MAP1S: variants seen among roughly 807,000 people sequenced by gnomAD.
MAP1S encodes the protein microtubule associated protein 1S.
In MAP1S, 27 loss-of-function variants were observed where a neutral mutation model predicts 60.9. The ratio of observed to expected loss-of-function variants is 0.44; its 90% confidence interval spans 0.33 to 0.61. The LOEUF is 0.61. Ranked by LOEUF, MAP1S falls within the 20% of genes least tolerant of loss-of-function variation. MAP1S has a pLI of 0.03. For synonymous variants in MAP1S, 826 were observed against 694.2 expected (o/e 1.19, Z -2.98); for missense variants, 1,608 against 1,486.6 (o/e 1.08, Z -1.34).
In MAP1S at chr19:17,727,707, G is replaced by A; in HGVS notation, c.2323G>A (p.Gly775Ser). Reference protein sequence around the residue: ...DSSARSQERAGGLGAEETPPT... With the variant: ...DSSARSQERASGLGAEETPPT... Reference sequence around the variant, plus strand: ...CAGTGCCCGGTCACAGGAACGGGCAGGTGGGCTGGGGGCCGAGGAGACGCC... The same window carrying A: ...CAGTGCCCGGTCACAGGAACGGGCAAGTGGGCTGGGGGCCGAGGAGACGCC... The change falls in exon 5 of 7, where the codon GGT becomes AGT. Residue 775 changes from glycine (G) to serine (S), a missense_variant. By Grantham distance (56) the Gly-to-Ser change is moderately conservative. Around this residue, in one of 4 missense-constraint regions of MAP1S, gnomAD observed 1,167 missense variants for 961.4 expected, o/e 1.21. Coordinates refer to ENST00000324096, the MANE Select transcript of MAP1S (RefSeq NM_018174.6). This position sits in a 1 kb window ranked among gnomAD's most constrained non-coding sequence, Gnocchi z 4.1. 1.2e-6 allele frequency: 2 copies of A among 1,608,218 alleles called. No individual in the cohort carries two copies. The highest frequency in any genetic ancestry group is 2.2e-5 in the South Asian group (2 of 90,774).
Position 17,727,260 on chromosome 19 carries a change from C to T in MAP1S, c.1876C>T (p.Leu626=), listed in dbSNP as rs1599461672. Residue 626 remains leucine, a synonymous_variant, in exon 5 of 7, where the codon CTG becomes TTG. Coordinates refer to ENST00000324096, the MANE Select transcript of MAP1S (RefSeq NM_018174.6). This position sits in a 1 kb window ranked among gnomAD's most constrained non-coding sequence, Gnocchi z 4.1. ...AGCCGGGGAGGAGAAGGCACTGGAG[C>T]TGCCTTTGGCCGCCAGCTCAATCCC... ...IPAGEEKALE[L]PLAASSIPRP... The T allele has an allele frequency of 6.3e-7, 1 of 1,574,924 alleles. No individual in the cohort carries two copies. The highest frequency in any genetic ancestry group is 8.6e-7 in the Non-Finnish European group (1 of 1,165,880).
Position 17,720,007 on chromosome 19 carries a change from C to G in MAP1S, c.118+387C>G, listed in dbSNP as rs368945541. On this transcript the variant is annotated intron_variant, in intron 1 of 6. Transcript: ENST00000324096. ...GCTTTGGATCTCCAGGTCTTAGCAG[C>G]TTAGATAGAGATCTCCCGGAGGGAG... 15 of 586,712 alleles carry G rather than the reference C, an allele frequency of 2.6e-5. No homozygotes were observed. In the East Asian group the frequency reaches 1.5e-3, roughly 59 times the overall value. The allele number at this position is 586,712 out of a possible 1,614,324, so 36.3% of individuals were successfully genotyped here.
At position 17,727,802 on chromosome 19, in the gene MAP1S, G is replaced by C; in HGVS notation, c.2418G>C (p.Ala806=). The change falls in exon 5 of 7, where the codon GCG becomes GCC. Residue 806 remains alanine (A), a synonymous_variant. Coordinates refer to ENST00000324096, the MANE Select transcript of MAP1S (RefSeq NM_018174.6). The surrounding 1 kb of genome is among the most constrained non-coding windows in gnomAD (Gnocchi z 4.1). ...ATCCCGTGCCCCTGGCCCCCGGTGC[G>C]GCAGACTCAGACGAAGACACAGAGG... ...DSDPVPLAPG[A]ADSDEDTEGF... 2 of 1,612,460 alleles carry C rather than the reference G, an allele frequency of 1.2e-6. No individual in the cohort carries two copies. Among genetic ancestry groups the C allele is most frequent in the Non-Finnish European group, 1.7e-6 (2 of 1,179,488 alleles).
intron 5 of MAP1S, among the ~76,000 whole-genome samples, chr19:17,730,895 C>CTTTTTTTTTTTTTTTTTTTTTTTT (rs779442592): frequency 7.4e-6 from 1 of 134,758 alleles, no homozygotes. Flanking sequence ...TTTTCTTTTT[C>CTTTTTTTTTTTTTTTTTTTTTTTT]TTTTTTTTTT....
chr19:17,720,410 G>GT (rs2080360060), intron 1 of MAP1S: 5 of 1,535,212 alleles, frequency 3.3e-6, no homozygotes, highest in South Asian at 1.2e-5. Context: ...ATGATAGACA[G>GT]GTTCAGCCCT....
At chr19:17,720,320 G>A in intron 1 of MAP1S, 1 of 1,482,804 alleles carries the variant, frequency 6.7e-7, no homozygotes, top group Non-Finnish European at 8.9e-7. Context: ...ACGCACCTCG[G>A]TTCATGTGCT....
rs770051785 is a variant in MAP1S at position 17,727,850 on chromosome 19, C to G, written c.2466C>G (p.Asp822Glu). ...AGGGCTTTGGAGTCCCTCGCCACGA[C>G]CCTTTGCCTGACCCCCTCAAGGTCC... is the stretch of plus-strand genomic sequence containing the variant. ...DTEGFGVPRH[D>E]PLPDPLKVPP... The change falls in exon 5 of 7, where the codon GAC (aspartate) becomes GAG (glutamate). Residue 822 changes from aspartate (D) to glutamate (E), a missense_variant. Asp to Glu is a conservative substitution (Grantham distance 45, BLOSUM62 2). This residue lies in a region of MAP1S where 1,167 missense variants were observed against 961.4 expected (regional missense o/e 1.21). Transcript: ENST00000324096. This position sits in a 1 kb window ranked among gnomAD's most constrained non-coding sequence, Gnocchi z 4.1. 6.2e-7 allele frequency: 1 copy of G among 1,613,446 alleles called. No homozygotes were observed. The highest frequency in any genetic ancestry group is 1.7e-5 in the Admixed American group (1 of 59,994).
intron 5 of MAP1S, among the ~76,000 whole-genome samples, chr19:17,731,934 TGG>T (rs775254355): frequency 1.3e-5 from 2 of 152,276 alleles, no homozygotes; most frequent in Non-Finnish European, 2.9e-5. Context: ...CCCAAAGTGC[TGG>T]GATTACAGGC....
Position 17,726,481 on chromosome 19 carries a change from G to A in MAP1S, c.1097G>A (p.Gly366Asp), listed in dbSNP as rs1037764898. Residue 366 changes from glycine to aspartate, a missense_variant, in exon 5 of 7, where the codon GGC becomes GAC. Transcript: ENST00000324096. ...ELALSLLAQL[G>D]ITPLPLSRGP... ...GCGCTGAGCCTCCTGGCGCAGCTGG[G>A]CATCACGCCTCTGCCACTCAGCCGC... 1.9e-6 allele frequency: 3 copies of A among 1,549,352 alleles called. No homozygotes were observed. The highest frequency in any genetic ancestry group is 1.7e-6 in the Non-Finnish European group (2 of 1,152,464).
chr19:17,720,158 G>GTCA, intron 1 of MAP1S: 1 of 1,335,056 alleles, frequency 7.5e-7, no homozygotes. Context: ...AGGGAGGTGA[G>GTCA]TCATAGGCGC....
intron 5 of MAP1S, among the ~76,000 whole-genome samples, chr19:17,729,947 C>T (rs1045931604): frequency 1.5e-4 from 23 of 152,118 alleles, no homozygotes; most frequent in Non-Finnish European, 5.9e-5. Context: ...AGACGTGAGC[C>T]ACTGTGCCCA....
chr19:17,727,415 G>T lies in MAP1S; in HGVS notation c.2031G>T (p.Val677=). 1 of 1,599,580 alleles carries T rather than the reference G, an allele frequency of 6.3e-7. No homozygotes were observed. The highest frequency in any genetic ancestry group is 8.5e-7 in the Non-Finnish European group (1 of 1,173,914). Residue 677 remains valine, a synonymous_variant, in exon 5 of 7, where the codon GTG becomes GTT. Coordinates refer to ENST00000324096, the MANE Select transcript of MAP1S (RefSeq NM_018174.6). This position sits in a 1 kb window ranked among gnomAD's most constrained non-coding sequence, Gnocchi z 4.1. ...DASPTVTTPT[V]TTPSLPAEVG... ...CACCCACAGTGACCACACCCACGGT[G>T]ACCACGCCCTCACTACCCGCAGAGG... is the stretch of plus-strand genomic sequence containing the variant.
In MAP1S at chr19:17,724,959, G is replaced by A. The variant is rs886742710; in HGVS notation, c.304-90G>A. 5.2e-6 allele frequency: 8 copies of A among 1,524,800 alleles called. No individual in the cohort carries two copies. The Middle Eastern group carries it at 1.2e-3, about 225-fold the overall frequency. The allele number at this position is 1,524,800 out of a possible 1,614,324, so 94.5% of individuals were successfully genotyped here. A position where few individuals can be genotyped will look rare whatever the true frequency, so the allele number is the denominator to read the frequency against. ...GTGGGGTGAGGACAGGAGAGGGGTGGTTATGTATCGACTCGAGGCTACCCC... is the reference window on the plus strand; with the variant it reads ...GTGGGGTGAGGACAGGAGAGGGGTGATTATGTATCGACTCGAGGCTACCCC... On this transcript the variant is annotated intron_variant, in intron 3 of 6. Transcript: ENST00000324096.
intron 5 of MAP1S, 33 bp downstream of exon 5, chr19:17,728,205 T>G: frequency 2.0e-6 from 3 of 1,532,016 alleles, no homozygotes; most frequent in Non-Finnish European, 2.6e-6. Flanking sequence ...TGGGCTGGGT[T>G]AGCAGCTGCT....
rs1165260372 is a variant in MAP1S, at chr19:17,719,672, C to A, written c.118+52C>A. ...AGCCCGGGAGGCGGGCCCGTTCGCG[C>A]GTCTGGGCCCGGGGCCGGCGGGGTG... On this transcript the variant is annotated intron_variant, in intron 1 of 6. Transcript: ENST00000324096. 44 of 1,039,452 alleles carry A rather than the reference C, an allele frequency of 4.2e-5. No homozygotes were observed. The East Asian group carries it at 1.9e-3, about 44-fold the overall frequency. 64.4% of individuals were successfully genotyped at this position (1,039,452 alleles called of 1,614,324 possible).
At chr19:17,733,073 C>CT (rs1370113824) in intron 5 of MAP1S, 120 bp from the exon 6 acceptor site, 11 of 640,336 alleles carry the variant, frequency 1.7e-5, no homozygotes, top group Admixed American at 6.1e-5. Flanking sequence ...CCAGAAAACT[C>CT]TGAGTTCAGG....
At position 17,726,064 on chromosome 19, in the gene MAP1S, T is replaced by C; in HGVS notation, c.680T>C (p.Leu227Pro). The C allele has an allele frequency of 6.2e-7, 1 of 1,613,684 alleles. No homozygotes were observed. Among genetic ancestry groups the C allele is most frequent in the Non-Finnish European group, 8.5e-7 (1 of 1,179,890 alleles). The change falls in exon 5 of 7, where the codon CTG (leucine) becomes CCG (proline). Residue 227 changes from leucine to proline, a missense_variant. Leu to Pro is a moderately conservative substitution (Grantham distance 98, BLOSUM62 -3). This residue lies in a region of MAP1S where 320 missense variants were observed against 393.1 expected (regional missense o/e 0.81). Transcript: ENST00000324096. ...SLEPPSPFEL[L>P]EPPTSGGFLR... ...GAGCCACCGTCCCCCTTCGAGCTGC[T>C]GGAGCCCCCGACCTCCGGGGGCTTC...
At chr19:17,720,578 G>A (rs1408067627) in intron 1 of MAP1S, 2 of 1,364,818 alleles carry the variant, frequency 1.5e-6, no homozygotes, top group South Asian at 3.0e-5. Flanking sequence ...GGGCCCCCTG[G>A]CCAGTAGGAA....
intron 2 of MAP1S, chr19:17,721,414 C>T (rs921643464): frequency 1.8e-5 from 6 of 330,268 alleles, no homozygotes; most frequent in Middle Eastern, 1.1e-3. Flanking sequence ...CGGTGGCTTA[C>T]GCCTCTGATC....
Sources: allele counts gnomAD v4.1 joint callset (sites outside exome capture counted in the v4.1 genomes callset), GRCh38; gene constraint gnomAD v4.1.1; regional missense constraint gnomAD v4.1.1; non-coding constraint Gnocchi (gnomAD v3.1); transcripts MANE v1.5; gene names NCBI Gene and HGNC (gene_info 2026-07-23, HGNC 2026-07-21).